Variants in TBC1D22A observed in about 807,000 individuals in gnomAD.
TBC1D22A encodes the protein putative GTPase activator.
TBC1D22A carries 38 observed loss-of-function variants against 60.2 expected under a neutral mutation model. The ratio of observed to expected loss-of-function variants is 0.63; its 90% CI spans 0.49 to 0.83. The LOEUF is 0.83. Among genes scored for constraint, TBC1D22A ranks in the 40% least tolerant of loss-of-function variants. The pLI is 0.00. For missense variants in TBC1D22A, 628 were observed against 701.0 expected (o/e 0.90, Z 1.18); for synonymous variants, 302 against 281.7 (o/e 1.07, Z -0.72).
chr22:47,039,290 A>C (rs192423133), intron 11 of TBC1D22A, among the ~76,000 whole-genome samples: 1 of 152,262 alleles, frequency 6.6e-6, no homozygotes, highest in African/African-American at 2.4e-5. Flanking sequence ...AAACCTCTTC[A>C]TATCTTAAGA....
chr22:46,795,362 A>G (rs1157884231), intron 3 of TBC1D22A, among the ~76,000 whole-genome samples: 1 of 152,204 alleles, frequency 6.6e-6, no homozygotes, highest in Non-Finnish European at 1.5e-5. Flanking sequence ...TCAGGCTGAG[A>G]GTGGCCAGGA....
At chr22:46,833,264 T>G (rs1376789908) in intron 4 of TBC1D22A, among the ~76,000 whole-genome samples, 1 of 152,226 alleles carries the variant, frequency 6.6e-6, no homozygotes, top group African/African-American at 2.4e-5. Context: ...ACCATACTTA[T>G]AGGAAGCTTA....
At chr22:46,867,540 T>C (rs566070010) in intron 4 of TBC1D22A, among the ~76,000 whole-genome samples, 1 of 152,328 alleles carries the variant, frequency 6.6e-6, no homozygotes, top group East Asian at 1.9e-4. Flanking sequence ...TTGTTAACCA[T>C]TGGAAGAAGT....
intron 8 of TBC1D22A, among the ~76,000 whole-genome samples, chr22:46,951,019 T>C (rs1295607993): frequency 6.6e-6 from 1 of 152,236 alleles, no homozygotes; most frequent in Non-Finnish European, 1.5e-5. Flanking sequence ...TGTGTATGCA[T>C]AGGCGCATGT....
intron 11 of TBC1D22A, among the ~76,000 whole-genome samples, chr22:47,051,777 G>A (rs576451203): frequency 4.6e-5 from 7 of 152,266 alleles, no homozygotes; most frequent in East Asian, 3.9e-4. Context: ...TTCCTCTCGC[G>A]CTCCTCTGCT....
intron 11 of TBC1D22A, among the ~76,000 whole-genome samples, chr22:47,109,275 AC>A (rs1489023345): frequency 2.0e-5 from 3 of 152,210 alleles, no homozygotes; most frequent in African/African-American, 7.2e-5. Context: ...AAAGACATAC[AC>A]TCACTGTCAT....
intron 10 of TBC1D22A, among the ~76,000 whole-genome samples, chr22:47,024,374 A>G (rs2062184778): frequency 6.6e-6 from 1 of 152,224 alleles, no homozygotes; most frequent in South Asian, 2.1e-4. Flanking sequence ...CCATATCAGT[A>G]GGTGTGTTCA....
At chr22:46,896,819 C>T (rs1433867409) in intron 7 of TBC1D22A, among the ~76,000 whole-genome samples, 1 of 152,168 alleles carries the variant, frequency 6.6e-6, no homozygotes, top group Non-Finnish European at 1.5e-5. Flanking sequence ...TGCTCTTCCA[C>T]GTACGTCTCA....
At chr22:46,815,387 T>C (rs1057450257) in intron 4 of TBC1D22A, among the ~76,000 whole-genome samples, 5 of 152,238 alleles carry the variant, frequency 3.3e-5, no homozygotes, top group African/African-American at 1.2e-4. Flanking sequence ...TGTATCAGTG[T>C]TTTTGAATTG....
intron 8 of TBC1D22A, among the ~76,000 whole-genome samples, chr22:46,953,504 T>C (rs1242055650): frequency 6.6e-6 from 1 of 152,264 alleles, no homozygotes; most frequent in Non-Finnish European, 1.5e-5. Flanking sequence ...TCATTTATTT[T>C]TGTAGGTCTG....
chr22:46,842,986 A>G (rs563977742), intron 4 of TBC1D22A, among the ~76,000 whole-genome samples: 1 of 152,276 alleles, frequency 6.6e-6, no homozygotes, highest in South Asian at 2.1e-4. Context: ...ATCCTGATGT[A>G]CCCTGGGACT....
intron 12 of TBC1D22A, among the ~76,000 whole-genome samples, chr22:47,161,935 G>A (rs112382526): frequency 1.3e-3 from 205 of 152,360 alleles, no homozygotes; most frequent in African/African-American, 4.9e-3. Flanking sequence ...AGCAAGCCCC[G>A]TCTTCTGGCA....
Position 47,083,046 on chromosome 22 carries a change from AGCAAGAGAAAACT to A in TBC1D22A, c.1330-28449_1330-28437del, listed in dbSNP as rs145401413. 8.4e-3 allele frequency among the ~76,000 whole-genome samples: 1,287 copies of A among 152,362 alleles called. 17 individuals carry two copies. Among genetic ancestry groups the A allele is most frequent in the African/African-American group, 0.03 (1,236 of 41,578 alleles). ...GATGAATCTCAGAAACATTTTAACC[AGCAAGAGAAAACT>A]GCAAGAGAAAACATACCGCCTGATT... On this transcript the variant is annotated intron_variant, in intron 11 of 12. Transcript: ENST00000337137.
At chr22:47,126,168 G>T (rs992142686) in intron 12 of TBC1D22A, among the ~76,000 whole-genome samples, 1 of 152,198 alleles carries the variant, frequency 6.6e-6, no homozygotes, top group African/African-American at 2.4e-5. Context: ...TTTTAGTAGA[G>T]ACGGGGTTTC....
At chr22:46,950,072 A>G (rs2072805731) in intron 8 of TBC1D22A, among the ~76,000 whole-genome samples, 1 of 152,206 alleles carries the variant, frequency 6.6e-6, no homozygotes, top group Admixed American at 6.5e-5. Context: ...TGTAGGGAGA[A>G]GCTGGGTGGA....
At chr22:47,002,332 C>T (rs1483200772) in intron 10 of TBC1D22A, among the ~76,000 whole-genome samples, 1 of 152,162 alleles carries the variant, frequency 6.6e-6, no homozygotes, top group African/African-American at 2.4e-5. Context: ...CCTGTTTGTC[C>T]CCAAGATAGA....
intron 10 of TBC1D22A, among the ~76,000 whole-genome samples, chr22:47,010,578 G>C (rs1041913818): frequency 1.3e-5 from 2 of 152,188 alleles, no homozygotes; most frequent in Admixed American, 1.3e-4. Flanking sequence ...CTTCTGCTTA[G>C]CAGGTCTTCA....
intron 4 of TBC1D22A, among the ~76,000 whole-genome samples, chr22:46,855,852 T>C (rs1291919161): frequency 6.6e-6 from 1 of 152,234 alleles, no homozygotes; most frequent in Non-Finnish European, 1.5e-5. Context: ...TGTGGGATTA[T>C]GTTGCTTTGC....
At chr22:47,137,406 C>T (rs934975542) in intron 12 of TBC1D22A, among the ~76,000 whole-genome samples, 1 of 152,168 alleles carries the variant, frequency 6.6e-6, no homozygotes, top group Non-Finnish European at 1.5e-5. Flanking sequence ...TCATCACTGC[C>T]CCCTCACTGC....
Sources: allele counts gnomAD v4.1 joint callset (sites outside exome capture counted in the v4.1 genomes callset), GRCh38; gene constraint gnomAD v4.1.1; transcripts MANE v1.5; gene names NCBI Gene and HGNC (gene_info 2026-07-23, HGNC 2026-07-21).